MRPL3: variants seen among roughly 807,000 people sequenced by gnomAD.
The protein encoded by MRPL3 is large ribosomal subunit protein uL3m.
Under a neutral mutation model 44.3 loss-of-function variants are expected in MRPL3, and 43 were observed. That is an observed-to-expected ratio of 0.97 (90% CI 0.76 to 1.25). The LOEUF is 1.25. Among genes scored for constraint, MRPL3 ranks in the 50% most tolerant of loss-of-function variants. The probability of loss-of-function intolerance (pLI) is 0.00; values close to 1 mark genes in which losing one functional copy is unlikely to be tolerated. For synonymous variants in MRPL3, 171 were observed against 152.3 expected, an observed-to-expected ratio of 1.12 and a Z score of -0.91; for missense variants, 406 against 427.6, an observed-to-expected ratio of 0.95 and a Z score of 0.45.
At chr3:131,474,816 C>T (rs571984153) in intron 6 of MRPL3, among the ~76,000 whole-genome samples, 93 of 148,844 alleles carry the variant, frequency 6.2e-4, no homozygotes, top group South Asian at 1.3e-3. Flanking sequence ...CTGCCAACCA[C>T]GCTGGAGTGC....
intron 3 of MRPL3, among the ~76,000 whole-genome samples, chr3:131,499,401 G>A (rs766868383): frequency 2.0e-5 from 3 of 152,140 alleles, no homozygotes; most frequent in Non-Finnish European, 4.4e-5. Flanking sequence ...AGGCTAACTC[G>A]TCTTAATTTT....
At chr3:131,475,050 G>A (rs1933825276) in intron 6 of MRPL3, among the ~76,000 whole-genome samples, 1 of 151,960 alleles carries the variant, frequency 6.6e-6, no homozygotes, top group South Asian at 2.1e-4. Flanking sequence ...CCAAAGTGTT[G>A]GGATTACAGG....
intron 6 of MRPL3, among the ~76,000 whole-genome samples, chr3:131,486,380 A>C (rs1278197917): frequency 5.3e-5 from 8 of 149,596 alleles, no homozygotes; most frequent in Non-Finnish European, 8.9e-5. Flanking sequence ...AAAAAAAAAA[A>C]AAAAAAAAAA....
chr3:131,500,562 C>T, intron 2 of MRPL3, 41 bp from the exon 3 acceptor site: 1 of 1,470,854 alleles, frequency 6.8e-7, no homozygotes, highest in African/African-American at 1.4e-5. Flanking sequence ...AAAGCTTTTG[C>T]AACATTCACC....
At chr3:131,480,839 G>A (rs1559821421) in intron 6 of MRPL3, among the ~76,000 whole-genome samples, 1 of 152,218 alleles carries the variant, frequency 6.6e-6, no homozygotes, top group East Asian at 1.9e-4. Context: ...AGATAAGGGT[G>A]AGTTATGCCA....
At position 131,489,883 on chromosome 3, in the gene MRPL3, C is replaced by A. The variant is rs1934212634; in HGVS notation, c.568+98G>T. On this transcript the variant is annotated intron_variant, in intron 5 of 9. Coordinates refer to ENST00000264995, the MANE Select transcript of MRPL3 (RefSeq NM_007208.4). ...TGTATTTAAAAGTAAGTGTTTGAGA[C>A]TTTGCATTTTAGATGTAGCTTTATT... The A allele has an allele frequency of 1.1e-5, 7 of 660,144 alleles. No homozygotes were observed. The East Asian group carries it at 1.8e-4, about 17-fold the overall frequency. 40.9% of individuals were successfully genotyped at this position (660,144 alleles called of 1,614,324 possible).
chr3:131,500,360 CTTG>C lies in MRPL3; in HGVS notation c.369+67_369+69del, dbSNP rs1222051671. On this transcript the variant is annotated intron_variant, in intron 3 of 9. Coordinates refer to ENST00000264995, the MANE Select transcript of MRPL3 (RefSeq NM_007208.4). ...TCCATGTTTCAGGACACAAATAGTT[CTTG>C]TTAAGGTTTGCACAAACAGATCTTG... is the stretch of plus-strand genomic sequence containing the variant. The C allele has an allele frequency of 1.1e-5, 14 of 1,243,656 alleles. No homozygotes were observed. The African/African-American group carries it at 1.5e-4, about 13-fold the overall frequency. 77.0% of individuals were successfully genotyped at this position (1,243,656 alleles called of 1,614,324 possible).
At chr3:131,475,142 A>G (rs74861276) in intron 6 of MRPL3, among the ~76,000 whole-genome samples, 1,906 of 152,282 alleles carry the variant, frequency 0.013, 17 homozygotes, top group East Asian at 0.036. Context: ...ATAATACATC[A>G]ACATATTTTT....
At chr3:131,475,223 G>A (rs1223961415) in intron 6 of MRPL3, among the ~76,000 whole-genome samples, 1 of 152,060 alleles carries the variant, frequency 6.6e-6, no homozygotes, top group East Asian at 1.9e-4. Context: ...CATTTACAAA[G>A]AGGACAAAAA....
At position 131,462,528 on chromosome 3, in the gene MRPL3, C is replaced by T; in HGVS notation, c.*195G>A. On this transcript the variant is annotated 3_prime_UTR_variant, in exon 10 of 10. Coordinates refer to ENST00000264995, the MANE Select transcript of MRPL3 (RefSeq NM_007208.4). ...ATTTCAGCAAATCCAATCTACTTAACTCATATATTTAATGTGGTAATTTTT... is the reference window on the plus strand; with the variant it reads ...ATTTCAGCAAATCCAATCTACTTAATTCATATATTTAATGTGGTAATTTTT... 2.4e-6 allele frequency: 1 copy of T among 424,804 alleles called. No individual in the cohort carries two copies. The highest frequency in any genetic ancestry group is 4.0e-6 in the Non-Finnish European group (1 of 250,302). 26.3% of individuals were successfully genotyped at this position (424,804 alleles called of 1,614,324 possible). A position where few individuals can be genotyped will look rare whatever the true frequency, so the allele number is the denominator to read the frequency against.
intron 4 of MRPL3, among the ~76,000 whole-genome samples, chr3:131,492,572 G>C (rs1934282122): frequency 6.6e-6 from 1 of 152,132 alleles, no homozygotes; most frequent in African/African-American, 2.4e-5. Context: ...CGCTGCCACT[G>C]ATCTGACTGA....
At chr3:131,489,949 T>C (rs1206638741) in intron 5 of MRPL3, 32 bp downstream of exon 5, 4 of 1,420,674 alleles carry the variant, frequency 2.8e-6, no homozygotes, top group Middle Eastern at 2.3e-4. Flanking sequence ...TTGGGTATTT[T>C]TACCTCCCTC....
chr3:131,500,838 G>C (rs556013167), intron 2 of MRPL3, among the ~76,000 whole-genome samples: 1 of 152,256 alleles, frequency 6.6e-6, no homozygotes, highest in South Asian at 2.1e-4. Context: ...TGCTTTCCTA[G>C]TATCAATTCT....
intron 6 of MRPL3, among the ~76,000 whole-genome samples, chr3:131,480,092 TCTCC>T (rs1173517545): frequency 6.6e-6 from 1 of 152,220 alleles, no homozygotes; most frequent in Non-Finnish European, 1.5e-5. Flanking sequence ...TAGCTGACAA[TCTCC>T]CTCAAGATTA....
At chr3:131,466,446 T>A (rs1237467574) in intron 9 of MRPL3, among the ~76,000 whole-genome samples, 1 of 152,152 alleles carries the variant, frequency 6.6e-6, no homozygotes, top group Admixed American at 6.5e-5. Context: ...TTTATGGAAG[T>A]AAGTCTCTGA....
chr3:131,484,283 A>C (rs995030652), intron 6 of MRPL3, among the ~76,000 whole-genome samples: 1 of 152,196 alleles, frequency 6.6e-6, no homozygotes, highest in African/African-American at 2.4e-5. Flanking sequence ...TATCACCTGG[A>C]AACTTGGTAG....
intron 4 of MRPL3, among the ~76,000 whole-genome samples, chr3:131,496,919 C>A (rs1346227668): frequency 6.6e-6 from 1 of 152,224 alleles, no homozygotes; most frequent in Non-Finnish European, 1.5e-5. Flanking sequence ...TGGCCCAGGC[C>A]TGCACACTAA....
intron 6 of MRPL3, among the ~76,000 whole-genome samples, chr3:131,473,059 A>C (rs1933774472): frequency 6.6e-6 from 1 of 152,164 alleles, no homozygotes; most frequent in Admixed American, 6.6e-5. Context: ...TAGAAAAAAT[A>C]ATCCTAGAAT....
Position 131,462,729 on chromosome 3 carries a change from A to G in MRPL3, c.1041T>C (p.Phe347=). The change falls in exon 10 of 10, where the codon TTT becomes TTC. Residue 347 remains phenylalanine, a synonymous_variant. Coordinates refer to ENST00000264995, the MANE Select transcript of MRPL3 (RefSeq NM_007208.4). The part of the protein sequence containing the change: ...VCQPGAPSIT[F]A ...TCTGCCACGTCCAAAGATGTTAGGC[A>G]AATGTAATAGAAGGCGCACCGGGCT... 1 of 1,611,034 alleles carries G rather than the reference A, an allele frequency of 6.2e-7. No individual in the cohort carries two copies. The highest frequency in any genetic ancestry group is 1.3e-5 in the African/African-American group (1 of 74,934).
Sources: gnomAD v4.1 joint callset for allele counts (sites outside exome capture counted in the v4.1 genomes callset) on GRCh38, gnomAD v4.1.1 for gene constraint, MANE v1.5 for transcripts, NCBI Gene and HGNC (gene_info 2026-07-23, HGNC 2026-07-21) for gene names.